Variants in NRG1 observed in about 807,000 individuals in gnomAD.
The protein encoded by NRG1 is neuregulin 1, also known as pro-neuregulin-1, membrane-bound isoform.
A neutral mutation model predicts 63.8 loss-of-function variants in NRG1; 18 were observed. The observed-to-expected ratio is 0.28, with a 90% CI of 0.19 to 0.42. The LOEUF (loss-of-function observed/expected upper bound fraction) is 0.42. Among genes scored for constraint, NRG1 ranks in the 10% least tolerant of loss-of-function variants. The pLI is 1.00. For missense variants in NRG1, 762 were observed against 814.7 expected, an observed-to-expected ratio of 0.94 and a Z score of 0.79; for synonymous variants, 302 against 301.3, an observed-to-expected ratio of 1.00 and a Z score of -0.02.
At chr8:32,391,130 G>T (rs1335856277) in intron 1 of NRG1, among the ~76,000 whole-genome samples, 1 of 151,842 alleles carries the variant, frequency 6.6e-6, no homozygotes, top group Admixed American at 6.6e-5. Context: ...CCTTTTTTGG[G>T]GGGAGGGGGG....
chr8:31,697,198 T>C (rs1810160820), intron 1 of NRG1, among the ~76,000 whole-genome samples: 1 of 152,182 alleles, frequency 6.6e-6, no homozygotes, highest in Non-Finnish European at 1.5e-5. Flanking sequence ...TTACTTAATG[T>C]GTGGGTTGTG....
intron 5 of NRG1, among the ~76,000 whole-genome samples, chr8:32,656,986 C>T (rs1020728526): frequency 6.6e-6 from 1 of 152,010 alleles, no homozygotes; most frequent in Non-Finnish European, 1.5e-5. Context: ...AGGAGAAATT[C>T]ATGAACTCTC....
chr8:32,717,420 C>A (rs1819523870), intron 5 of NRG1, among the ~76,000 whole-genome samples: 1 of 152,044 alleles, frequency 6.6e-6, no homozygotes, highest in Admixed American at 6.6e-5. Flanking sequence ...AACCTAACAG[C>A]AGATATACAT....
intron 1 of NRG1, among the ~76,000 whole-genome samples, chr8:32,257,613 T>G (rs1264276611): frequency 1.3e-5 from 2 of 152,186 alleles, no homozygotes; most frequent in Non-Finnish European, 2.9e-5. Context: ...ATAATTTTTT[T>G]AAGTATTATT....
intron 1 of NRG1, among the ~76,000 whole-genome samples, chr8:31,652,320 C>T (rs1294918116): frequency 6.6e-6 from 1 of 152,178 alleles, no homozygotes; most frequent in Non-Finnish European, 1.5e-5. Context: ...CTGTAACAGC[C>T]TCTTTATGCA....
intron 5 of NRG1, among the ~76,000 whole-genome samples, chr8:32,725,975 T>C (rs1822072489): frequency 6.6e-6 from 1 of 152,214 alleles, no homozygotes; most frequent in African/African-American, 2.4e-5. Context: ...TGTTAAAGTA[T>C]AACTGATAAT....
intron 1 of NRG1, among the ~76,000 whole-genome samples, chr8:32,532,240 T>C (rs1272485039): frequency 1.3e-5 from 2 of 152,216 alleles, no homozygotes; most frequent in African/African-American, 2.4e-5. Context: ...TCTTCAAATA[T>C]GTTCACAAGC....
At chr8:32,548,442 G>C in exon 1 of NRG1, 4 of 1,151,520 alleles carry the variant, frequency 3.5e-6, no homozygotes, top group Non-Finnish European at 4.3e-6. Flanking sequence ...GCAGAGGCCA[G>C]GACGCGAGCC....
At position 31,782,824 on chromosome 8, in the gene NRG1, C is replaced by T. The variant is rs1362825211; in HGVS notation, c.37+143393C>T. 7.9e-5 allele frequency among the ~76,000 whole-genome samples: 12 copies of T among 152,052 alleles called. 1 individual carries two copies. Among genetic ancestry groups the T allele is most frequent in the Admixed American group, 2.6e-4 (4 of 15,260 alleles). The stretch of plus-strand genomic sequence containing the variant: ...ATTGGGGTCTCGGGTTCTGTGTGTC[C>T]GACAGGCTCACATACGATGCGGATG... On this transcript the variant is annotated intron_variant, in intron 1 of 10. Transcript: ENST00000519301.
At chr8:32,326,148 T>C (rs1801983142) in intron 1 of NRG1, among the ~76,000 whole-genome samples, 1 of 151,978 alleles carries the variant, frequency 6.6e-6, no homozygotes, top group Non-Finnish European at 1.5e-5. Context: ...TAGCTGCGAT[T>C]ACAGGCGCAC....
intron 1 of NRG1, among the ~76,000 whole-genome samples, chr8:32,489,837 T>G (rs553510983): frequency 6.6e-6 from 1 of 152,318 alleles, no homozygotes; most frequent in East Asian, 1.9e-4. Flanking sequence ...TCAAGGCTCT[T>G]CCAGAACATT....
chr8:32,232,685 C>G (rs545942883), intron 1 of NRG1, among the ~76,000 whole-genome samples: 1 of 152,216 alleles, frequency 6.6e-6, no homozygotes, highest in South Asian at 2.1e-4. Context: ...TGGGTTCTAT[C>G]TTTTACTTTT....
At chr8:32,041,538 G>A (rs569679484) in intron 1 of NRG1, among the ~76,000 whole-genome samples, 46 of 152,316 alleles carry the variant, frequency 3.0e-4, no homozygotes, top group African/African-American at 9.9e-4. Context: ...TTTGACTTGG[G>A]AAGCTCAGAA....
chr8:31,761,201 G>C (rs1817514207), intron 1 of NRG1, among the ~76,000 whole-genome samples: 1 of 151,940 alleles, frequency 6.6e-6, no homozygotes, highest in South Asian at 2.1e-4. Flanking sequence ...CTATCCCAAG[G>C]ACAAAAAACC....
At chr8:32,580,943 G>A (rs1479271885) in intron 1 of NRG1, among the ~76,000 whole-genome samples, 1 of 152,108 alleles carries the variant, frequency 6.6e-6, no homozygotes, top group African/African-American at 2.4e-5. Flanking sequence ...TAGAAAAGGA[G>A]TTATGTGGAA....
chr8:32,629,330 T>A (rs767744528), intron 5 of NRG1, among the ~76,000 whole-genome samples: 10 of 152,202 alleles, frequency 6.6e-5, no homozygotes, highest in Admixed American at 6.5e-4. Context: ...CATAGTGATG[T>A]GCACATCAGT....
At chr8:31,860,779 A>G (rs1392157127) in intron 1 of NRG1, among the ~76,000 whole-genome samples, 6 of 152,172 alleles carry the variant, frequency 3.9e-5, no homozygotes. Flanking sequence ...CCATTCAAAT[A>G]ATTGTCTCAG....
intron 1 of NRG1, among the ~76,000 whole-genome samples, chr8:31,964,775 C>A (rs1008587423): frequency 6.6e-6 from 1 of 152,186 alleles, no homozygotes; most frequent in Admixed American, 6.5e-5. Context: ...CTGCAAGCTA[C>A]GAGTTCGTTT....
intron 1 of NRG1, among the ~76,000 whole-genome samples, chr8:32,383,624 CAG>C (rs1810625539): frequency 6.6e-6 from 1 of 152,242 alleles, no homozygotes; most frequent in Admixed American, 6.5e-5. Flanking sequence ...AGCCACAAAT[CAG>C]AGTCACATAG....
Sources: allele counts gnomAD v4.1 joint callset (sites outside exome capture counted in the v4.1 genomes callset), GRCh38; gene constraint gnomAD v4.1.1; transcripts MANE v1.5; gene names NCBI Gene and HGNC (gene_info 2026-07-23, HGNC 2026-07-21).